Variants in ZNF90 observed in about 807,000 individuals in gnomAD.
The protein encoded by ZNF90 is zinc finger protein HTF9.
A neutral mutation model predicts 12.0 loss-of-function variants in ZNF90; 11 were observed. The observed-to-expected ratio is 0.92, with a 90% CI of 0.58 to 1.52. ZNF90 has a LOEUF of 1.52. ZNF90 is among the 40% of genes most tolerant of loss of function. The pLI is 0.00. For missense variants in ZNF90, 765 were observed against 711.5 expected (o/e 1.08, Z -0.86); for synonymous variants, 232 against 240.1 (o/e 0.97, Z 0.31).
chr19:20,094,373 C>T (rs1480584057), intron 1 of ZNF90, among the ~76,000 whole-genome samples: 7 of 152,190 alleles, frequency 4.6e-5, no homozygotes, highest in East Asian at 1.9e-4. Flanking sequence ...GAGAATAAGG[C>T]GGCCTTCTGG....
intron 1 of ZNF90, among the ~76,000 whole-genome samples, chr19:20,081,946 A>G (rs1378955706): frequency 1.3e-5 from 2 of 151,658 alleles, no homozygotes; most frequent in Non-Finnish European, 2.9e-5. Context: ...TTGTATTTTT[A>G]GTAGAGACGG....
chr19:20,083,485 G>A (rs1254831325), intron 1 of ZNF90, among the ~76,000 whole-genome samples: 1 of 151,810 alleles, frequency 6.6e-6, no homozygotes, highest in African/African-American at 2.4e-5. Context: ...GCACCACCAC[G>A]TTTGGCTAAT....
chr19:20,105,276 C>G lies in ZNF90; in HGVS notation c.186C>G (p.Pro62=), dbSNP rs781847716. The G allele has an allele frequency of 6.2e-7, 1 of 1,608,022 alleles. No individual in the cohort carries two copies. The highest frequency in any genetic ancestry group is 8.5e-7 in the Non-Finnish European group (1 of 1,176,768). The change falls in exon 3 of 4, where the codon CCC becomes CCG. Residue 62 remains proline (P), a synonymous_variant. Coordinates refer to ENST00000418063, the MANE Select transcript of ZNF90 (RefSeq NM_007138.2). ...CCTGTCTGGAGCAAGGAAAAAAACC[C>G]TTCACTGTGAAGAGACATGAGATGA... The part of the protein sequence containing the change: ...LITCLEQGKK[P]FTVKRHEMIA...
intron 3 of ZNF90, 46 bp downstream of exon 3, chr19:20,105,362 G>C (rs782520971): frequency 6.7e-7 from 1 of 1,484,408 alleles, no homozygotes; most frequent in East Asian, 2.3e-5. Context: ...CAGATAAGAG[G>C]TCCCAAGGTC....
intron 1 of ZNF90, among the ~76,000 whole-genome samples, chr19:20,088,910 G>A (rs927071419): frequency 6.6e-6 from 1 of 152,164 alleles, no homozygotes; most frequent in Admixed American, 6.5e-5. Context: ...TCATGTTGGT[G>A]TCATGAGGGG....
intron 3 of ZNF90, among the ~76,000 whole-genome samples, chr19:20,114,868 T>G (rs2122524646): frequency 6.6e-6 from 1 of 152,274 alleles, no homozygotes; most frequent in Non-Finnish European, 1.5e-5. Flanking sequence ...AGAAAATGCA[T>G]TACTGAAATA....
chr19:20,108,525 A>AG (rs1227927094), intron 3 of ZNF90, among the ~76,000 whole-genome samples: 1 of 152,102 alleles, frequency 6.6e-6, no homozygotes, highest in Non-Finnish European at 1.5e-5. Flanking sequence ...CACGTTGGCC[A>AG]GGCTGGTCTT....
intron 1 of ZNF90, among the ~76,000 whole-genome samples, chr19:20,086,327 C>T (rs960302333): frequency 4.0e-5 from 6 of 150,104 alleles, no homozygotes; most frequent in East Asian, 2.0e-4. Flanking sequence ...CGCTGCCTCC[C>T]GGGTTGAAGT....
Position 20,118,925 on chromosome 19 carries a change from A to G in ZNF90, c.1371A>G (p.Glu457=). 1 of 1,613,596 alleles carries G rather than the reference A, an allele frequency of 6.2e-7. No homozygotes were observed. The highest frequency in any genetic ancestry group is 8.5e-7 in the Non-Finnish European group (1 of 1,179,768). Reference sequence around the variant, plus strand: ...GAGAGAAACCCTACAAATGTGAAGAATGTGGCAAAGCCTTCAAGCGCTCCT... The same window carrying G: ...GAGAGAAACCCTACAAATGTGAAGAGTGTGGCAAAGCCTTCAAGCGCTCCT... The part of the protein sequence containing the change: ...HSGEKPYKCE[E]CGKAFKRSSN... Residue 457 remains glutamate, a synonymous_variant, in exon 4 of 4, where the codon GAA becomes GAG. Transcript: ENST00000418063.
intron 1 of ZNF90, among the ~76,000 whole-genome samples, chr19:20,091,095 C>G (rs57081339): frequency 0.015 from 2,216 of 152,178 alleles, 49 homozygotes; most frequent in African/African-American, 0.051. Flanking sequence ...ACCGCGGTGG[C>G]CTTTCAGACC....
chr19:20,080,979 A>G (rs1374714031), intron 1 of ZNF90, among the ~76,000 whole-genome samples: 2 of 152,166 alleles, frequency 1.3e-5, no homozygotes. Flanking sequence ...ACAGGCTGTC[A>G]CACTGCCCAT....
Position 20,116,919 on chromosome 19 carries a change from C to A in ZNF90, c.227-862C>A, listed in dbSNP as rs544994421. Among the ~76,000 whole-genome samples, 183 of 149,374 alleles carry A rather than the reference C, an allele frequency of 1.2e-3. 1 individual carries two copies. Among genetic ancestry groups the A allele is most frequent in the South Asian group, 8.0e-3 (38 of 4,756 alleles). On this transcript the variant is annotated intron_variant, in intron 3 of 3. Transcript: ENST00000418063. ...CGTTTTATGTCATGGGAGACATTAA[C>A]CAGTGTCTAAGAAGCACATAGAAGC...
At chr19:20,096,248 G>T (rs1323214562) in intron 1 of ZNF90, among the ~76,000 whole-genome samples, 1 of 152,228 alleles carries the variant, frequency 6.6e-6, no homozygotes, top group East Asian at 1.9e-4. Context: ...TGAGGTCATA[G>T]GTGAATCTTT....
At chr19:20,116,610 C>G (rs1052595650) in intron 3 of ZNF90, among the ~76,000 whole-genome samples, 4 of 152,090 alleles carry the variant, frequency 2.6e-5, no homozygotes, top group Non-Finnish European at 5.9e-5. Context: ...CAAAAAGCTA[C>G]CTGTTACAAT....
chr19:20,088,962 G>A (rs1466077996), intron 1 of ZNF90, among the ~76,000 whole-genome samples: 5 of 152,158 alleles, frequency 3.3e-5, no homozygotes, highest in African/African-American at 1.2e-4. Flanking sequence ...TGAATTTTGG[G>A]GGTAAGGAAG....
intron 1 of ZNF90, among the ~76,000 whole-genome samples, chr19:20,085,889 AT>A (rs535162213): frequency 1.8e-4 from 27 of 152,052 alleles, no homozygotes; most frequent in South Asian, 4.1e-4. Flanking sequence ...CAAAATGTTT[AT>A]TTTTTTCATT....
At chr19:20,094,448 G>A (rs1432398954) in intron 1 of ZNF90, among the ~76,000 whole-genome samples, 2 of 152,176 alleles carry the variant, frequency 1.3e-5, no homozygotes, top group African/African-American at 2.4e-5. Context: ...GACCTGGGCT[G>A]GGTTTTCATC....
In ZNF90 at chr19:20,100,456, TAAAACTA is replaced by T. The variant is rs1375278477; in HGVS notation, c.4-3778_4-3772del. Among the ~76,000 whole-genome samples the T allele has an allele frequency of 3.3e-5, 5 of 152,296 alleles. No homozygotes were observed. In the East Asian group the frequency reaches 9.7e-4, roughly 29 times the overall value. On this transcript the variant is annotated intron_variant, in intron 1 of 3. Coordinates refer to ENST00000418063, the MANE Select transcript of ZNF90 (RefSeq NM_007138.2). ...TTTGTCTCTTCCAGAAGCAAAGCTG[TAAAACTA>T]AAAATGTTCTTCAACTGGAGCCTCA...
At chr19:20,117,386 T>C (rs1555705788) in intron 3 of ZNF90, among the ~76,000 whole-genome samples, 1 of 151,572 alleles carries the variant, frequency 6.6e-6, no homozygotes, top group African/African-American at 2.4e-5. Context: ...TCCTTTCTTT[T>C]CTTTTCTTTT....
Sources: gnomAD v4.1 joint callset for allele counts (sites outside exome capture counted in the v4.1 genomes callset) on GRCh38, gnomAD v4.1.1 for gene constraint, MANE v1.5 for transcripts, NCBI Gene and HGNC (gene_info 2026-07-23, HGNC 2026-07-21) for gene names.